The following LIPC variants were observed in gnomAD, a reference collection of about 807,000 sequenced individuals.
LIPC encodes hepatic triacylglycerol lipase.
A neutral mutation model predicts 50.7 loss-of-function variants in LIPC; 44 were observed. The observed-to-expected ratio is 0.87, with a 90% confidence interval of 0.68 to 1.11. The LOEUF (loss-of-function observed/expected upper bound fraction) is 1.11. Ranked by LOEUF, LIPC falls within the 50% of genes most tolerant of loss-of-function variation. The probability of loss-of-function intolerance (pLI) is 0.00; values close to 1 mark genes in which losing one functional copy is unlikely to be tolerated. For synonymous variants in LIPC, 271 were observed against 256.4 expected, an observed-to-expected ratio of 1.06 and a Z score of -0.54; for missense variants, 697 against 648.2, an observed-to-expected ratio of 1.08 and a Z score of -0.82.
At chr15:58,447,470 A>G (rs1305684132) in intron 1 of LIPC, among the ~76,000 whole-genome samples, 2 of 152,202 alleles carry the variant, frequency 1.3e-5, no homozygotes, top group African/African-American at 4.8e-5. Context: ...AGTGATTCCA[A>G]GTCTTGTGAG....
intron 1 of LIPC, chr15:58,494,702 T>G: frequency 2.2e-6 from 1 of 451,064 alleles, no homozygotes. Context: ...GATAATGAAG[T>G]TTTGCAAAAT....
chr15:58,566,790 A>G (rs2140962687), intron 8 of LIPC, among the ~76,000 whole-genome samples: 1 of 152,338 alleles, frequency 6.6e-6, no homozygotes, highest in East Asian at 1.9e-4. Flanking sequence ...ACTCATATAA[A>G]TGCAAAATAA....
chr15:58,440,936 G>A (rs1203453238), intron 1 of LIPC, among the ~76,000 whole-genome samples: 4 of 152,184 alleles, frequency 2.6e-5, no homozygotes, highest in Non-Finnish European at 5.9e-5. Flanking sequence ...AGTGGCCAGA[G>A]GGAAGGACAG....
chr15:58,440,567 C>T (rs1455651956), intron 1 of LIPC, among the ~76,000 whole-genome samples: 3 of 152,252 alleles, frequency 2.0e-5, no homozygotes, highest in Non-Finnish European at 4.4e-5. Context: ...TACATCCACT[C>T]ACCAAGGACT....
At chr15:58,447,323 C>T (rs1395411993) in intron 1 of LIPC, among the ~76,000 whole-genome samples, 2 of 152,138 alleles carry the variant, frequency 1.3e-5, no homozygotes, top group Non-Finnish European at 1.5e-5. Flanking sequence ...CGCTTGGACT[C>T]TCGACTAGTC....
intron 1 of LIPC, among the ~76,000 whole-genome samples, chr15:58,444,635 T>C (rs1893626291): frequency 6.6e-6 from 1 of 152,194 alleles, no homozygotes; most frequent in Admixed American, 6.5e-5. Context: ...TATGTTTCTG[T>C]GTCCGATCTC....
At chr15:58,490,906 AT>A (rs1218388360) in intron 1 of LIPC, among the ~76,000 whole-genome samples, 1 of 152,172 alleles carries the variant, frequency 6.6e-6, no homozygotes. Flanking sequence ...GAGGATACTA[AT>A]TACACCCAGG....
chr15:58,470,738 T>G (rs1894763676), intron 1 of LIPC, among the ~76,000 whole-genome samples: 1 of 152,106 alleles, frequency 6.6e-6, no homozygotes. Context: ...TAGCTGGGAC[T>G]ACAGGTGCCA....
At chr15:58,469,925 T>A (rs1894726183) in intron 1 of LIPC, among the ~76,000 whole-genome samples, 2 of 125,242 alleles carry the variant, frequency 1.6e-5, no homozygotes, top group South Asian at 5.8e-4. Flanking sequence ...CTTCCTCATC[T>A]TCATGGAATT....
At chr15:58,494,952 A>C (rs952611614) in intron 1 of LIPC, 2 of 446,812 alleles carry the variant, frequency 4.5e-6, no homozygotes, top group Admixed American at 2.4e-5. Context: ...AGGTTCCAAA[A>C]CACCCAGCCC....
chr15:58,454,845 A>G (rs1894051558), intron 1 of LIPC: 1 of 152,250 alleles, frequency 6.6e-6, no homozygotes, highest in African/African-American at 2.4e-5. Flanking sequence ...CACAAAGCCA[A>G]TTGCTAAATT....
At chr15:58,539,924 C>G (rs1218767631) in intron 2 of LIPC, among the ~76,000 whole-genome samples, 2 of 152,204 alleles carry the variant, frequency 1.3e-5, no homozygotes, top group African/African-American at 4.8e-5. Context: ...TTCATCCCAG[C>G]ACTCCCACAG....
At chr15:58,539,266 A>G (rs1893244348) in intron 2 of LIPC, among the ~76,000 whole-genome samples, 1 of 152,240 alleles carries the variant, frequency 6.6e-6, no homozygotes. Flanking sequence ...AGTTTACACA[A>G]TTCAATGGCT....
intron 1 of LIPC, among the ~76,000 whole-genome samples, chr15:58,460,447 C>T (rs1259982669): frequency 1.3e-5 from 2 of 152,220 alleles, no homozygotes; most frequent in African/African-American, 2.4e-5. Flanking sequence ...GGCCTCCCAA[C>T]CAGAGAGTAG....
At chr15:58,464,692 G>A (rs1894475955) in intron 1 of LIPC, among the ~76,000 whole-genome samples, 1 of 152,174 alleles carries the variant, frequency 6.6e-6, no homozygotes, top group South Asian at 2.1e-4. Context: ...ACACAGGGTG[G>A]CCAGGCATGG....
intron 1 of LIPC, among the ~76,000 whole-genome samples, chr15:58,495,502 C>T (rs1309798422): frequency 8.5e-5 from 13 of 152,222 alleles, no homozygotes; most frequent in Non-Finnish European, 1.6e-4. Context: ...CCTCATCTTC[C>T]CAACCACCAT....
At chr15:58,443,781 GGGT>G (rs1454670018) in intron 1 of LIPC, among the ~76,000 whole-genome samples, 1 of 152,202 alleles carries the variant, frequency 6.6e-6, no homozygotes, top group Non-Finnish European at 1.5e-5. Context: ...AGTCAGCAAA[GGGT>G]GGTGGATTAT....
intron 1 of LIPC, among the ~76,000 whole-genome samples, chr15:58,448,514 G>T (rs1893781447): frequency 6.6e-6 from 1 of 152,258 alleles, no homozygotes; most frequent in Admixed American, 6.5e-5. Context: ...CCCTGGGGAG[G>T]AGACCTAAAA....
In LIPC at chr15:58,545,811, A is replaced by G. The variant is rs6083; in HGVS notation, c.644A>G (p.Asn215Ser). ...AATCGTCTTTCTCCAGATGATGCCA[A>G]TTTTGTGGATGCCATTCATACCTTT... ...PSNRLSPDDANFVDAIHTFTR... is the reference protein window; with the variant it reads ...PSNRLSPDDASFVDAIHTFTR... The change falls in exon 5 of 9, where the codon AAT becomes AGT. Residue 215 changes from asparagine (N) to serine (S), a missense_variant. Transcript: ENST00000299022. 669,536 of 1,613,832 alleles carry G rather than the reference A, an allele frequency of 0.41. 150,437 individuals are homozygous for G. The highest frequency in any genetic ancestry group is 0.88 in the East Asian group (39,303 of 44,858).
Sources: gnomAD v4.1 joint callset for allele counts (sites outside exome capture counted in the v4.1 genomes callset) on GRCh38, gnomAD v4.1.1 for gene constraint, MANE v1.5 for transcripts, NCBI Gene and HGNC (gene_info 2026-07-23, HGNC 2026-07-21) for gene names.